The following TENT2 variants were observed in gnomAD, a reference collection of about 807,000 sequenced individuals.
TENT2 encodes the protein poly(A) RNA polymerase GLD2.
TENT2 carries 44 observed loss-of-function variants against 72.2 expected under a neutral mutation model. That is an observed-to-expected ratio of 0.61 (90% confidence interval 0.48 to 0.78). The LOEUF is 0.78. TENT2 is among the 30% of genes least tolerant of loss of function. TENT2 has a pLI of 0.00. For missense variants in TENT2, 541 were observed against 569.6 expected (o/e 0.95, Z 0.51); for synonymous variants, 212 against 192.5 (o/e 1.10, Z -0.84).
At chr5:79,659,366 C>T (rs1352720458) in intron 11 of TENT2, among the ~76,000 whole-genome samples, 1 of 150,656 alleles carries the variant, frequency 6.6e-6, no homozygotes, top group African/African-American at 2.4e-5. Flanking sequence ...AACCCCGTCT[C>T]TACTAAAAAT....
intron 12 of TENT2, among the ~76,000 whole-genome samples, chr5:79,674,999 A>T (rs951730939): frequency 2.0e-5 from 3 of 152,322 alleles, no homozygotes; most frequent in Non-Finnish European, 4.4e-5. Context: ...AATAATGGGG[A>T]TAAAAAGCAT....
At chr5:79,637,937 A>G (rs1781462964) in intron 4 of TENT2, among the ~76,000 whole-genome samples, 1 of 151,704 alleles carries the variant, frequency 6.6e-6, no homozygotes, top group Non-Finnish European at 1.5e-5. Context: ...AGCTGGGACT[A>G]CAGGCACGTG....
At chr5:79,645,437 T>C (rs1203388923) in intron 8 of TENT2, among the ~76,000 whole-genome samples, 5 of 152,122 alleles carry the variant, frequency 3.3e-5, no homozygotes, top group Non-Finnish European at 5.9e-5. Context: ...AGAGTACATA[T>C]TTGTATTTTA....
chr5:79,619,685 A>T lies in TENT2; in HGVS notation c.37A>T (p.Thr13Ser). Residue 13 changes from threonine (T) to serine (S), a missense_variant, in exon 2 of 15, where the codon ACT (threonine) becomes TCT (serine). By Grantham distance (58) the Thr-to-Ser change is moderately conservative. Transcript: ENST00000453514. ...PNSILGRPPF[T>S]PNHQQHNNFF... is the part of the protein sequence containing the mutation. ...CTCAATTTTGGGTCGCCCACCCTTC[A>T]CTCCAAATCATCAACAACATAATAA... The T allele has an allele frequency of 6.2e-7, 1 of 1,613,632 alleles. No homozygotes were observed. The highest frequency in any genetic ancestry group is 8.5e-7 in the Non-Finnish European group (1 of 1,179,766).
chr5:79,622,294 C>G (rs1234795059), intron 3 of TENT2, among the ~76,000 whole-genome samples: 1 of 151,636 alleles, frequency 6.6e-6, no homozygotes, highest in Non-Finnish European at 1.5e-5. Flanking sequence ...GAGGAAGACT[C>G]TGTCTCAAAA....
At chr5:79,681,367 C>T (rs1821776172) in intron 13 of TENT2, among the ~76,000 whole-genome samples, 1 of 151,546 alleles carries the variant, frequency 6.6e-6, no homozygotes, top group Admixed American at 6.6e-5. Context: ...ACCATGTTGG[C>T]CAGGATGGTC....
At chr5:79,667,599 T>C (rs1485578378) in intron 11 of TENT2, among the ~76,000 whole-genome samples, 1 of 152,084 alleles carries the variant, frequency 6.6e-6, no homozygotes. Context: ...TGTTGAGGAG[T>C]ATCAACTTTA....
chr5:79,684,301 T>A (rs1824844699), intron 14 of TENT2, among the ~76,000 whole-genome samples: 1 of 152,244 alleles, frequency 6.6e-6, no homozygotes. Context: ...TATATTTTTT[T>A]GAGACAGGGT....
chr5:79,651,976 A>G (rs1204787925), intron 10 of TENT2, among the ~76,000 whole-genome samples: 1 of 152,104 alleles, frequency 6.6e-6, no homozygotes, highest in Admixed American at 6.5e-5. Context: ...TGTAGGGATT[A>G]ATATTCTTAA....
At position 79,685,347 on chromosome 5, in the gene TENT2, C is replaced by T; in HGVS notation, c.*74C>T. On this transcript the variant is annotated 3_prime_UTR_variant, in exon 15 of 15. Transcript: ENST00000453514. The stretch of plus-strand genomic sequence containing the variant: ...TTTCATCATAATACATTATGTTTAC[C>T]TCCATCATAGTTGCTTTTTTCATAG... 1 of 1,079,552 alleles carries T rather than the reference C, an allele frequency of 9.3e-7. No homozygotes were observed. Among genetic ancestry groups the T allele is most frequent in the South Asian group, 1.7e-5 (1 of 59,906 alleles). The allele number at this position is 1,079,552 out of a possible 1,614,324, so 66.9% of individuals were successfully genotyped here.
intron 4 of TENT2, among the ~76,000 whole-genome samples, chr5:79,637,735 C>T (rs1781236092): frequency 6.6e-6 from 1 of 150,768 alleles, no homozygotes; most frequent in African/African-American, 2.4e-5. Flanking sequence ...CAGCCGTGTG[C>T]TACTTTTATG....
intron 1 of TENT2, 150 bp from the exon 2 acceptor site, chr5:79,619,462 C>G: frequency 6.5e-6 from 3 of 460,608 alleles, no homozygotes; most frequent in Non-Finnish European, 1.1e-5. Flanking sequence ...CTTTTGTTAC[C>G]TACAGTGGCA....
chr5:79,664,631 G>C (rs1315911013), intron 11 of TENT2, among the ~76,000 whole-genome samples: 2 of 151,598 alleles, frequency 1.3e-5, no homozygotes, highest in African/African-American at 4.8e-5. Flanking sequence ...AATTTTGGTG[G>C]AGATATTTTT....
intron 12 of TENT2, among the ~76,000 whole-genome samples, chr5:79,672,118 A>C (rs2150729200): frequency 6.6e-6 from 1 of 152,072 alleles, no homozygotes; most frequent in African/African-American, 2.4e-5. Flanking sequence ...AAAAAACAAA[A>C]AACTATTTTT....
Position 79,629,068 on chromosome 5 carries a change from AG to A in TENT2, c.465+5581del, listed in dbSNP as rs368810868. Among the ~76,000 whole-genome samples the A allele has an allele frequency of 7.5e-3, 1,148 of 152,300 alleles. 12 individuals carry two copies. The highest frequency in any genetic ancestry group is 0.027 in the African/African-American group (1,103 of 41,560). ...AAATACACCAGCACAGGGCTATCTG[AG>A]GCTAGGAGTATGCTTTCTTGAGCAG... On this transcript the variant is annotated intron_variant, in intron 4 of 14. Coordinates refer to ENST00000453514, the MANE Select transcript of TENT2 (RefSeq NM_001114394.3).
chr5:79,669,737 ATAG>A (rs1335773393), intron 12 of TENT2, among the ~76,000 whole-genome samples: 12 of 151,884 alleles, frequency 7.9e-5, no homozygotes, highest in Non-Finnish European at 1.8e-4. Flanking sequence ...GGTAATAATA[ATAG>A]TAATAATAAT....
At chr5:79,629,997 G>C (rs953715278) in intron 4 of TENT2, among the ~76,000 whole-genome samples, 3 of 151,878 alleles carry the variant, frequency 2.0e-5, no homozygotes, top group Admixed American at 2.0e-4. Context: ...TTAGCTGGGC[G>C]TGGTGGCGTG....
chr5:79,641,199 A>C lies in TENT2; in HGVS notation c.672+3A>C. ...GCCTAGTTGTTAAGGAAGAACCAGT[A>C]AGTAAGGAAACATTTATTCCAAGTG... is the stretch of plus-strand genomic sequence containing the variant. On this transcript the variant is annotated splice_donor_region_variant and intron_variant, in intron 6 of 14. Coordinates refer to ENST00000453514, the MANE Select transcript of TENT2 (RefSeq NM_001114394.3). The C allele has an allele frequency of 2.6e-6, 4 of 1,544,126 alleles. No homozygotes were observed. Among genetic ancestry groups the C allele is most frequent in the Non-Finnish European group, 3.5e-6 (4 of 1,153,340 alleles).
intron 6 of TENT2, among the ~76,000 whole-genome samples, chr5:79,642,433 C>G (rs1785200222): frequency 7.0e-6 from 1 of 143,690 alleles, no homozygotes; most frequent in Non-Finnish European, 1.6e-5. Flanking sequence ...GATGTCATAG[C>G]TTTTACACAA....
Sources: allele counts gnomAD v4.1 joint callset (sites outside exome capture counted in the v4.1 genomes callset), GRCh38; gene constraint gnomAD v4.1.1; transcripts MANE v1.5; gene names NCBI Gene and HGNC (gene_info 2026-07-23, HGNC 2026-07-21).